CSMD3: variants seen among roughly 807,000 people sequenced by gnomAD.
CSMD3 encodes the protein CUB and Sushi multiple domains 3, also known as CUB and sushi domain-containing protein 3.
In CSMD3, 177 loss-of-function variants were observed where a neutral mutation model predicts 435.2. The observed-to-expected ratio is 0.41, with a 90% confidence interval of 0.36 to 0.46. The LOEUF is 0.46. Among genes scored for constraint, CSMD3 ranks in the 20% least tolerant of loss-of-function variants. The pLI is 0.34. For synonymous variants in CSMD3, 1,656 were observed against 1,520.5 expected (o/e 1.09, Z -2.07); for missense variants, 4,265 against 4,504.6 (o/e 0.95, Z 1.52).
chr8:112,290,988 A>C (rs1052381417), intron 56 of CSMD3, among the ~76,000 whole-genome samples: 4 of 152,038 alleles, frequency 2.6e-5, no homozygotes, highest in African/African-American at 4.8e-5. Context: ...ATAACATATA[A>C]CAAAATGCAC....
chr8:112,413,242 T>G (rs1811544564), intron 32 of CSMD3, among the ~76,000 whole-genome samples: 1 of 152,216 alleles, frequency 6.6e-6, no homozygotes, highest in African/African-American at 2.4e-5. Flanking sequence ...TGTATCTATC[T>G]ACTCTTTCTT....
chr8:112,340,487 G>A (rs1824987188), intron 42 of CSMD3, among the ~76,000 whole-genome samples: 1 of 151,990 alleles, frequency 6.6e-6, no homozygotes, highest in Non-Finnish European at 1.5e-5. Flanking sequence ...TGTGCTTACT[G>A]CTCTAGATGC....
At chr8:112,591,856 G>A (rs1470673726) in intron 22 of CSMD3, among the ~76,000 whole-genome samples, 1 of 151,554 alleles carries the variant, frequency 6.6e-6, no homozygotes, top group Non-Finnish European at 1.5e-5. Flanking sequence ...AGCTATTTTA[G>A]CCCATTATGT....
At chr8:112,472,843 T>A (rs1387325780) in intron 31 of CSMD3, 136 bp from the exon 32 acceptor site, 31 of 634,158 alleles carry the variant, frequency 4.9e-5, no homozygotes, top group Non-Finnish European at 8.1e-5. Context: ...TATAATAAGA[T>A]CCTCTAGTGT....
intron 4 of CSMD3, among the ~76,000 whole-genome samples, chr8:113,106,321 G>T (rs897508588): frequency 1.3e-5 from 2 of 150,902 alleles, no homozygotes; most frequent in Admixed American, 1.3e-4. Context: ...TATATTACTA[G>T]AAATTAAAAA....
At chr8:112,898,216 C>T (rs546383408) in intron 10 of CSMD3, among the ~76,000 whole-genome samples, 60 of 151,226 alleles carry the variant, frequency 4.0e-4, no homozygotes, top group African/African-American at 1.4e-3. Context: ...CTTTCTAGTG[C>T]TTGAAGATAG....
intron 13 of CSMD3, among the ~76,000 whole-genome samples, chr8:112,757,261 T>C (rs919515276): frequency 6.6e-6 from 1 of 152,148 alleles, no homozygotes; most frequent in Non-Finnish European, 1.5e-5. Flanking sequence ...TTTTTGCTTA[T>C]ATTTTTCATA....
At chr8:113,011,531 C>G (rs145792783) in intron 6 of CSMD3, among the ~76,000 whole-genome samples, 2 of 151,594 alleles carry the variant, frequency 1.3e-5, no homozygotes, top group African/African-American at 4.8e-5. Flanking sequence ...AAAAAGATTG[C>G]CAAATCTAAG....
intron 5 of CSMD3, among the ~76,000 whole-genome samples, chr8:113,081,475 C>A (rs1431878978): frequency 6.6e-6 from 1 of 152,138 alleles, no homozygotes; most frequent in African/African-American, 2.4e-5. Context: ...CACATTCCCA[C>A]AATATACACC....
At chr8:112,651,677 A>G (rs1056644093) in intron 18 of CSMD3, among the ~76,000 whole-genome samples, 1 of 151,972 alleles carries the variant, frequency 6.6e-6, no homozygotes, top group African/African-American at 2.4e-5. Flanking sequence ...AGCTGGGACT[A>G]CAGGCACATG....
intron 2 of CSMD3, among the ~76,000 whole-genome samples, chr8:113,285,617 G>T (rs1298918206): frequency 6.6e-6 from 1 of 152,102 alleles, no homozygotes; most frequent in Non-Finnish European, 1.5e-5. Context: ...TTCCCGACTG[G>T]GAAAACTAAG....
chr8:112,457,822 G>T (rs755411018), intron 32 of CSMD3, among the ~76,000 whole-genome samples: 4 of 152,004 alleles, frequency 2.6e-5, no homozygotes, highest in Non-Finnish European at 5.9e-5. Context: ...ATGTCTAAAT[G>T]CTTAGGACTG....
intron 1 of CSMD3, among the ~76,000 whole-genome samples, chr8:113,340,198 T>C (rs546116329): frequency 1.3e-5 from 2 of 152,234 alleles, no homozygotes; most frequent in Middle Eastern, 3.4e-3. Flanking sequence ...GTAAGTTTTG[T>C]ATTCTCTTAG....
intron 13 of CSMD3, among the ~76,000 whole-genome samples, chr8:112,748,718 A>C (rs1390248658): frequency 2.6e-5 from 4 of 151,898 alleles, no homozygotes; most frequent in Non-Finnish European, 4.4e-5. Context: ...TATGTACCAT[A>C]TTTTCTTTAT....
chr8:112,281,933 A>G lies in CSMD3; in HGVS notation c.9332-583T>C, dbSNP rs185676993. On this transcript the variant is annotated intron_variant, in intron 58 of 70. Coordinates refer to ENST00000297405, the MANE Select transcript of CSMD3 (RefSeq NM_198123.2). ...TTAAATATTAGTAATCGTTTTCATT[A>G]AGTTTCAATATATTCTAAATAAAAG... 1.1e-3 allele frequency among the ~76,000 whole-genome samples: 165 copies of G among 152,240 alleles called. 1 individual carries two copies. Among genetic ancestry groups the G allele is most frequent in the African/African-American group, 3.7e-3 (153 of 41,558 alleles).
At chr8:112,881,876 A>C (rs1419908404) in intron 10 of CSMD3, among the ~76,000 whole-genome samples, 1 of 151,948 alleles carries the variant, frequency 6.6e-6, no homozygotes, top group Non-Finnish European at 1.5e-5. Flanking sequence ...TATTTACAGG[A>C]GAGTCTATTT....
intron 10 of CSMD3, among the ~76,000 whole-genome samples, chr8:112,906,465 A>C (rs1587637359): frequency 6.6e-6 from 1 of 151,064 alleles, no homozygotes; most frequent in African/African-American, 2.4e-5. Context: ...CAACCAACCA[A>C]CCAAAAAAAC....
intron 1 of CSMD3, among the ~76,000 whole-genome samples, chr8:113,350,475 TAAAC>T (rs2094182890): frequency 6.6e-6 from 1 of 152,104 alleles, no homozygotes; most frequent in South Asian, 2.1e-4. Context: ...CAAATGAACT[TAAAC>T]AACTCTCTTG....
At chr8:113,069,520 G>T (rs1173136061) in intron 5 of CSMD3, among the ~76,000 whole-genome samples, 1 of 152,068 alleles carries the variant, frequency 6.6e-6, no homozygotes, top group Non-Finnish European at 1.5e-5. Flanking sequence ...AATTCTGTTT[G>T]AATTCAGTGA....
Sources: gnomAD v4.1 joint callset for allele counts (sites outside exome capture counted in the v4.1 genomes callset) on GRCh38, gnomAD v4.1.1 for gene constraint, MANE v1.5 for transcripts, NCBI Gene and HGNC (gene_info 2026-07-23, HGNC 2026-07-21) for gene names.